The following DTNB variants were observed in gnomAD, a reference collection of about 807,000 sequenced individuals.
The protein encoded by DTNB is dystrobrevin beta.
DTNB carries 63 observed loss-of-function variants against 90.7 expected under a neutral mutation model. That is an observed-to-expected ratio of 0.69 (90% CI 0.57 to 0.86). The LOEUF is 0.86. Among genes scored for constraint, DTNB ranks in the 40% least tolerant of loss-of-function variants. The pLI is 0.00. For missense variants in DTNB, 744 were observed against 807.1 expected, an observed-to-expected ratio of 0.92 and a Z score of 0.95; for synonymous variants, 277 against 286.7, an observed-to-expected ratio of 0.97 and a Z score of 0.34.
chr2:25,591,024 G>A (rs1038056619), intron 6 of DTNB, among the ~76,000 whole-genome samples: 1 of 152,234 alleles, frequency 6.6e-6, no homozygotes, highest in Non-Finnish European at 1.5e-5. Flanking sequence ...GCAGGGGGCT[G>A]GCATGTCAGT....
At chr2:25,510,503 C>T (rs960679118) in intron 9 of DTNB, among the ~76,000 whole-genome samples, 4 of 151,384 alleles carry the variant, frequency 2.6e-5, no homozygotes, top group East Asian at 1.9e-4. Flanking sequence ...TTTTAAGTGC[C>T]TTTCTTCTTC....
Position 25,427,632 on chromosome 2 carries a change from C to T in DTNB, c.1458-1G>A. ...CTGCTCCAGTTCATCCTTCCTTTGCCTATCCAAGACGAGAAGCCTATCAGA... is the reference window on the plus strand; with the variant it reads ...CTGCTCCAGTTCATCCTTCCTTTGCTTATCCAAGACGAGAAGCCTATCAGA... On this transcript the variant is annotated splice_acceptor_variant, in intron 14 of 20. Coordinates refer to ENST00000406818, the MANE Select transcript of DTNB (RefSeq NM_021907.5). LOFTEE classifies it high-confidence loss of function. 6.2e-7 allele frequency: 1 copy of T among 1,612,546 alleles called. No homozygotes were observed. Among genetic ancestry groups the T allele is most frequent in the South Asian group, 1.1e-5 (1 of 91,040 alleles).
At chr2:25,661,638 C>T (rs1011603083) in intron 1 of DTNB, among the ~76,000 whole-genome samples, 1 of 152,104 alleles carries the variant, frequency 6.6e-6, no homozygotes, top group Non-Finnish European at 1.5e-5. Flanking sequence ...ATGACAGAAG[C>T]GTTTGCTCTA....
intron 9 of DTNB, among the ~76,000 whole-genome samples, chr2:25,509,878 G>A (rs2073537288): frequency 1.3e-5 from 2 of 149,340 alleles, no homozygotes. Flanking sequence ...AGTCTCCCAA[G>A]TAGCTGGGAC....
intron 10 of DTNB, among the ~76,000 whole-genome samples, chr2:25,475,373 G>A (rs1280925206): frequency 6.6e-6 from 1 of 152,198 alleles, no homozygotes; most frequent in Non-Finnish European, 1.5e-5. Context: ...ATCCAGGAAG[G>A]CCCTAACTCT....
intron 12 of DTNB, 116 bp downstream of exon 12, chr2:25,451,432 G>C (rs578053773): frequency 1.8e-6 from 2 of 1,105,006 alleles, no homozygotes; most frequent in African/African-American, 1.6e-5. Flanking sequence ...TGGAAAAGTG[G>C]AAAGTGTCCC....
At chr2:25,437,665 G>A (rs1055198134) in intron 12 of DTNB, among the ~76,000 whole-genome samples, 16 of 152,166 alleles carry the variant, frequency 1.1e-4, no homozygotes, top group African/African-American at 3.6e-4. Context: ...GGAAAAAGAC[G>A]GGAATGATTT....
chr2:25,572,730 T>G (rs1184870181), intron 8 of DTNB, among the ~76,000 whole-genome samples: 2 of 152,032 alleles, frequency 1.3e-5, no homozygotes, highest in African/African-American at 2.4e-5. Context: ...GGCTCATAAT[T>G]TCTTTGCCAA....
At chr2:25,582,486 G>T (rs748895915) in intron 6 of DTNB, among the ~76,000 whole-genome samples, 1 of 152,170 alleles carries the variant, frequency 6.6e-6, no homozygotes, top group Non-Finnish European at 1.5e-5. Context: ...AGGCACAGCA[G>T]GAAAGAAGCT....
intron 9 of DTNB, among the ~76,000 whole-genome samples, chr2:25,503,053 CAAAAAAAAAAAAA>C (rs58871909): frequency 0.024 from 368 of 15,218 alleles, 1 homozygote; most frequent in Non-Finnish European, 0.041. Context: ...GACCCTATCT[CAAAAAAAAAAAAA>C]AAAAAAAAAA....
intron 16 of DTNB, among the ~76,000 whole-genome samples, chr2:25,397,012 G>A (rs1351434698): frequency 4.0e-5 from 6 of 151,822 alleles, no homozygotes; most frequent in South Asian, 2.1e-4. Context: ...AGCCATCTAC[G>A]GAATAAAGAC....
At chr2:25,662,653 CACACACACACACACACACACACACACAA>C (rs955710343) in intron 1 of DTNB, among the ~76,000 whole-genome samples, 11 of 89,186 alleles carry the variant, frequency 1.2e-4, no homozygotes, top group Middle Eastern at 6.1e-3. Flanking sequence ...TATACAAATA[CACACACACACACACACACACACACACAA>C]ACACACACAC....
rs1559394959 is a variant in DTNB, at chr2:25,652,647, C to CT, written c.13dup (p.Ser5LysfsTer24). 3 of 1,612,644 alleles carry CT rather than the reference C, an allele frequency of 1.9e-6. No individual in the cohort carries two copies. The Admixed American group carries it at 5.0e-5, about 27-fold the overall frequency. ...TGCCATGGTCTTCCGCTTGTTCCCA[C>CT]TTTCCTCAATCATCCTAGAGACAAA... On this transcript the variant is annotated frameshift_variant, in exon 2 of 21. Coordinates refer to ENST00000406818, the MANE Select transcript of DTNB (RefSeq NM_021907.5). LOFTEE classifies it high-confidence loss of function.
chr2:25,603,977 A>G (rs2066476254), intron 5 of DTNB, among the ~76,000 whole-genome samples: 1 of 152,240 alleles, frequency 6.6e-6, no homozygotes, highest in Non-Finnish European at 1.5e-5. Flanking sequence ...TAACAATCAT[A>G]CTACACAAGC....
At chr2:25,492,126 C>A (rs2067660244) in intron 9 of DTNB, among the ~76,000 whole-genome samples, 1 of 152,058 alleles carries the variant, frequency 6.6e-6, no homozygotes, top group Non-Finnish European at 1.5e-5. Context: ...GATCATAGTT[C>A]CTGTTGTTTC....
At chr2:25,620,372 G>A (rs1006102846) in intron 4 of DTNB, among the ~76,000 whole-genome samples, 12 of 152,126 alleles carry the variant, frequency 7.9e-5, no homozygotes, top group Admixed American at 7.2e-4. Flanking sequence ...GATTAATTTC[G>A]AAGTGAGGTA....
chr2:25,484,093 C>A (rs772924989), intron 9 of DTNB, among the ~76,000 whole-genome samples: 21 of 152,122 alleles, frequency 1.4e-4, no homozygotes, highest in Non-Finnish European at 2.5e-4. Flanking sequence ...CTAGGCTACA[C>A]CATACGGCCT....
chr2:25,616,931 C>CAAA (rs70947896), intron 4 of DTNB, among the ~76,000 whole-genome samples: 9,292 of 69,790 alleles, frequency 0.13, 937 homozygotes, highest in East Asian at 0.46. Flanking sequence ...GACCCCGTCT[C>CAAA]AAAAAAAAAA....
rs560180134 is a variant in DTNB, at chr2:25,413,055, T to C, written c.1575+6460A>G. 2.0e-5 allele frequency among the ~76,000 whole-genome samples: 3 copies of C among 152,336 alleles called. No individual in the cohort carries two copies. In the South Asian group the frequency reaches 6.2e-4, roughly 32 times the overall value. On this transcript the variant is annotated intron_variant, in intron 16 of 20. Coordinates refer to ENST00000406818, the MANE Select transcript of DTNB (RefSeq NM_021907.5). ...TATTTTCAAACGATGCAAATAACTA[T>C]AGATATCCTGCATTTTATAGATTAT...
Sources: allele counts gnomAD v4.1 joint callset (sites outside exome capture counted in the v4.1 genomes callset), GRCh38; gene constraint gnomAD v4.1.1; transcripts MANE v1.5; gene names NCBI Gene and HGNC (gene_info 2026-07-23, HGNC 2026-07-21).